The following ESYT1 variants were observed in gnomAD, a reference collection of about 807,000 sequenced individuals.
The protein encoded by ESYT1 is extended synaptotagmin 1, also known as extended synaptotagmin-1.
A neutral mutation model predicts 154.2 loss-of-function variants in ESYT1; 116 were observed. The ratio of observed to expected loss-of-function variants is 0.75; its 90% CI spans 0.65 to 0.88. ESYT1 has a LOEUF of 0.88. Among genes scored for constraint, ESYT1 ranks in the 40% least tolerant of loss-of-function variants. ESYT1 has a pLI of 0.00. For missense variants in ESYT1, 1,264 were observed against 1,379.3 expected, an observed-to-expected ratio of 0.92 and a Z score of 1.32; for synonymous variants, 500 against 539.9, an observed-to-expected ratio of 0.93 and a Z score of 1.02.
At position 56,143,072 on chromosome 12, in the gene ESYT1, C is replaced by T; in HGVS notation, c.3043C>T (p.Leu1015=). The T allele has an allele frequency of 1.2e-6, 2 of 1,614,178 alleles. No homozygotes were observed. Among genetic ancestry groups the T allele is most frequent in the South Asian group, 1.1e-5 (1 of 91,088 alleles). ...TGATCCCTATGTGTCACTGTTGCTA[C>T]TGCCAGACAAGAACCGAGGCACCAA... The part of the protein sequence containing the change: ...PPDPYVSLLL[L]PDKNRGTKRR... Residue 1015 remains leucine, a synonymous_variant, in exon 28 of 31, where the codon CTG becomes TTG. Coordinates refer to ENST00000394048, the MANE Select transcript of ESYT1 (RefSeq NM_015292.3).
At chr12:56,129,137 C>A in intron 1 of ESYT1, 1 of 213,512 alleles carries the variant, frequency 4.7e-6, no homozygotes, top group South Asian at 5.9e-5. Flanking sequence ...CTCCTCGAGA[C>A]TTTTTACCTA....
Position 56,136,873 on chromosome 12 carries a change from T to C in ESYT1, c.1762T>C (p.Tyr588His). 6.2e-7 allele frequency: 1 copy of C among 1,605,752 alleles called. No homozygotes were observed. The highest frequency in any genetic ancestry group is 8.5e-7 in the Non-Finnish European group (1 of 1,174,896). Residue 588 changes from tyrosine (Y) to histidine (H), a missense_variant, in exon 16 of 31, where the codon TAT becomes CAT. Physicochemically the swap from Tyr to His is moderately conservative, Grantham distance 83 (BLOSUM62 2). Transcript: ENST00000394048. The stretch of plus-strand genomic sequence containing the variant: ...CAGCTCTGGTCCAAACTCCAGACTC[T>C]ATATGAAACTAGTCATGAGGGTATG... ...LSSSGPNSRL[Y>H]MKLVMRILYL... is the part of the protein sequence containing the mutation.
In ESYT1 at chr12:56,128,311, G is replaced by C; in HGVS notation, c.-9G>C. The C allele has an allele frequency of 6.2e-7, 1 of 1,606,746 alleles. No homozygotes were observed. Among genetic ancestry groups the C allele is most frequent in the East Asian group, 2.2e-5 (1 of 44,874 alleles). On this transcript the variant is annotated 5_prime_UTR_variant, in exon 1 of 31. Coordinates refer to ENST00000394048, the MANE Select transcript of ESYT1 (RefSeq NM_015292.3). ...CCTGGGTCGGGCGGATCCTCCCAGA[G>C]GTGGCACAATGGAGCGATCTCCAGG...
At position 56,138,804 on chromosome 12, in the gene ESYT1, A is replaced by ACT; in HGVS notation, c.2474_2475dup (p.Thr826SerfsTer37). The ACT allele has an allele frequency of 6.2e-7, 1 of 1,614,176 alleles. No homozygotes were observed. The highest frequency in any genetic ancestry group is 8.5e-7 in the Non-Finnish European group (1 of 1,180,026). On this transcript the variant is annotated frameshift_variant, in exon 23 of 31. Transcript: ENST00000394048. LOFTEE classifies it high-confidence loss of function. ...CACCAAGCACCTCAGCCCTTATGCT[A>ACT]CTCTCACTGTGGGAGATAGTTCTCA...
intron 1 of ESYT1, among the ~76,000 whole-genome samples, chr12:56,129,010 C>G (rs1416720388): frequency 6.6e-6 from 1 of 152,148 alleles, no homozygotes; most frequent in Non-Finnish European, 1.5e-5. Context: ...CCGAAGCTCT[C>G]CCTCCTAGCC....
In ESYT1 at chr12:56,128,483, TGAC is replaced by T; in HGVS notation, c.165_167del (p.Thr56del). Reference sequence around the variant, plus strand: ...GCGGCGGGTGAGGCCCTGGCGGTGCTGACTTCATTCGGGAGGCGGTTGCTGGTG... The same window carrying T: ...GCGGCGGGTGAGGCCCTGGCGGTGCTTTCATTCGGGAGGCGGTTGCTGGTG... On this transcript the variant is annotated inframe_deletion, in exon 1 of 31. Coordinates refer to ENST00000394048, the MANE Select transcript of ESYT1 (RefSeq NM_015292.3). The T allele has an allele frequency of 6.2e-7, 1 of 1,611,238 alleles. No homozygotes were observed. The highest frequency in any genetic ancestry group is 8.5e-7 in the Non-Finnish European group (1 of 1,178,698).
At position 56,138,764 on chromosome 12, in the gene ESYT1, CT is replaced by C. The variant is rs757099469; in HGVS notation, c.2434-3del. 1.2e-6 allele frequency: 2 copies of C among 1,614,006 alleles called. No homozygotes were observed. Among genetic ancestry groups the C allele is most frequent in the Admixed American group, 3.3e-5 (2 of 60,022 alleles). On this transcript the variant is annotated splice_polypyrimidine_tract_variant and splice_region_variant and intron_variant, in intron 22 of 30. Coordinates refer to ENST00000394048, the MANE Select transcript of ESYT1 (RefSeq NM_015292.3). ...TTAAGACTAACACAGTATTGTCTTT[CT>C]AGCTGCGAAAAGGCACCAAGCACCT...
In ESYT1 at chr12:56,136,798, C is replaced by T. The variant is rs747636153; in HGVS notation, c.1687C>T (p.Arg563Cys). 45 of 1,608,038 alleles carry T rather than the reference C, an allele frequency of 2.8e-5. No individual in the cohort carries two copies. Among genetic ancestry groups the T allele is most frequent in the Admixed American group, 3.4e-5 (2 of 59,542 alleles). ...TLGALTLPLA[R>C]LLTAPELILD... ...AGGAGCACTGACGCTGCCTCTGGCC[C>T]GCCTGCTGACTGCCCCAGAACTCAT... The change falls in exon 16 of 31, where the codon CGC (arginine) becomes TGC (cysteine). Residue 563 changes from arginine (R) to cysteine (C), a missense_variant. By Grantham distance (180) the Arg-to-Cys change is radical (BLOSUM62 -3). Coordinates refer to ENST00000394048, the MANE Select transcript of ESYT1 (RefSeq NM_015292.3).
chr12:56,132,128 T>G, intron 7 of ESYT1, 81 bp from the exon 8 acceptor site: 1 of 1,604,882 alleles, frequency 6.2e-7, no homozygotes, highest in Non-Finnish European at 8.5e-7. Flanking sequence ...TAGGTCTCTC[T>G]TGGGTGTGGG....
intron 15 of ESYT1, among the ~76,000 whole-genome samples, chr12:56,134,986 C>T (rs191977546): frequency 6.6e-6 from 1 of 152,172 alleles, no homozygotes; most frequent in Admixed American, 6.5e-5. Flanking sequence ...AAAGCAGATG[C>T]TATGTTTCGT....
intron 2 of ESYT1, 28 bp downstream of exon 2, chr12:56,130,651 C>T (rs537036630): frequency 1.2e-6 from 2 of 1,614,110 alleles, no homozygotes; most frequent in African/African-American, 2.7e-5. Flanking sequence ...TTTTAGTCTT[C>T]ATGAGGGGAG....
At position 56,140,793 on chromosome 12, in the gene ESYT1, G is replaced by T. The variant is rs1024883275; in HGVS notation, c.2593-1492G>T. ...GGAGATCAGTGAGGAGACTGTTAGA[G>T]CAGTCAAAGCAGGAAACGACTAAAG... On this transcript the variant is annotated intron_variant, in intron 24 of 30. Transcript: ENST00000394048. Among the ~76,000 whole-genome samples, 3 of 152,208 alleles carry T rather than the reference G, an allele frequency of 2.0e-5. No individual in the cohort carries two copies. In the East Asian group the frequency reaches 5.8e-4, roughly 29 times the overall value.
chr12:56,143,697 G>GA, intron 30 of ESYT1, 68 bp downstream of exon 30: 5 of 1,609,538 alleles, frequency 3.1e-6, no homozygotes, highest in Non-Finnish European at 4.2e-6. Flanking sequence ...CACAGGAAAG[G>GA]AAAAAAAGAT....
rs368946466 is a variant in ESYT1 at position 56,138,517 on chromosome 12, A to T, written c.2433+18A>T. 6 of 1,586,714 alleles carry T rather than the reference A, an allele frequency of 3.8e-6. No individual in the cohort carries two copies. The African/African-American group carries it at 8.1e-5, about 21-fold the overall frequency. On this transcript the variant is annotated intron_variant, in intron 22 of 30. Transcript: ENST00000394048. ...ACCTCCCGGTGAGATCCCGCTCCCC[A>T]TGCCCCATAACTTCCTGGCCCTTCT... is the stretch of plus-strand genomic sequence containing the variant.
chr12:56,128,945 ACTT>A (rs1870117374), intron 1 of ESYT1: 4 of 561,250 alleles, frequency 7.1e-6, no homozygotes, highest in South Asian at 6.2e-5. Context: ...CAGAATCAGG[ACTT>A]CTTCCTCTAC....
chr12:56,138,572 G>T, intron 22 of ESYT1, 73 bp downstream of exon 22: 3 of 1,437,768 alleles, frequency 2.1e-6, no homozygotes, highest in Non-Finnish European at 2.9e-6. Flanking sequence ...GATGGTCCTG[G>T]AGTATTTAGA....
chr12:56,133,816 A>C lies in ESYT1; in HGVS notation c.1416A>C (p.Pro472=), dbSNP rs1260074483. The C allele has an allele frequency of 4.3e-6, 7 of 1,614,080 alleles. No individual in the cohort carries two copies. In the South Asian group the frequency reaches 7.7e-5, roughly 18 times the overall value. ...GGAATTGGGGAGTCTCCTCTCGACCAGATCCCCCGTCAGCTGCCATCTTAG... is the reference window on the plus strand; with the variant it reads ...GGAATTGGGGAGTCTCCTCTCGACCCGATCCCCCGTCAGCTGCCATCTTAG... ...LQWNWGVSSR[P]DPPSAAILVV... Residue 472 remains proline (P), a synonymous_variant, in exon 13 of 31, where the codon CCA becomes CCC. Coordinates refer to ENST00000394048, the MANE Select transcript of ESYT1 (RefSeq NM_015292.3).
chr12:56,138,624 G>A, intron 22 of ESYT1, 125 bp downstream of exon 22: 1 of 1,277,088 alleles, frequency 7.8e-7, no homozygotes, highest in South Asian at 1.2e-5. Flanking sequence ...TAGTGCAGGG[G>A]TGGGAAAAGT....
rs1870290256 is a variant in ESYT1 at position 56,132,719 on chromosome 12, G to C, written c.1162G>C (p.Val388Leu). The change falls in exon 10 of 31, where the codon GTG becomes CTG. Residue 388 changes from valine (V) to leucine (L), a missense_variant and splice_region_variant. Transcript: ENST00000394048. ...ACACTCAGCCTTCTGTGTTCCCCAG[G>C]TGATGGTACACGAGGTCCCAGGGCA... ...LNPQWGETYEVMVHEVPGQEI... is the reference protein window; with the variant it reads ...LNPQWGETYELMVHEVPGQEI... The C allele has an allele frequency of 6.2e-7, 1 of 1,614,154 alleles. No homozygotes were observed. Among genetic ancestry groups the C allele is most frequent in the Non-Finnish European group, 8.5e-7 (1 of 1,180,014 alleles).
Sources: allele counts gnomAD v4.1 joint callset (sites outside exome capture counted in the v4.1 genomes callset), GRCh38; gene constraint gnomAD v4.1.1; transcripts MANE v1.5; gene names NCBI Gene and HGNC (gene_info 2026-07-23, HGNC 2026-07-21).